The following RIC1 variants were observed in gnomAD, a reference collection of about 807,000 sequenced individuals.
RIC1 encodes RIC1 partner of RAB6A GEF complex.
Under a neutral mutation model 169.0 loss-of-function variants are expected in RIC1, and 88 were observed. That is an observed-to-expected ratio of 0.52 (90% CI 0.44 to 0.62). The LOEUF (loss-of-function observed/expected upper bound fraction) is 0.62. Ranked by LOEUF, RIC1 falls within the 20% of genes least tolerant of loss-of-function variation. The pLI is 0.00. For missense variants in RIC1, 1,877 were observed against 1,725.5 expected (o/e 1.09, Z -1.56); for synonymous variants, 790 against 601.5 (o/e 1.31, Z -4.59).
Position 5,686,340 on chromosome 9 carries a change from T to C in RIC1, c.253-3619T>C, listed in dbSNP as rs967206651. ...GACACATGCACACGTATGTTTATTG[T>C]GGCACTATTCACAATAGCAAAGACT... is the stretch of plus-strand genomic sequence containing the variant. On this transcript the variant is annotated intron_variant, in intron 2 of 25. Coordinates refer to ENST00000414202, the MANE Select transcript of RIC1 (RefSeq NM_020829.4). Among the ~76,000 whole-genome samples the C allele has an allele frequency of 9.5e-3, 1,439 of 152,136 alleles. 23 individuals carry two copies. The highest frequency in any genetic ancestry group is 0.033 in the African/African-American group (1,362 of 41,440).
At chr9:5,730,577 A>G (rs377146454) in intron 6 of RIC1, among the ~76,000 whole-genome samples, 42 of 152,062 alleles carry the variant, frequency 2.8e-4, no homozygotes, top group African/African-American at 1.0e-3. Context: ...AGAAAGAAGG[A>G]GGTGATTACC....
At chr9:5,728,568 TG>T (rs1587043732) in intron 6 of RIC1, among the ~76,000 whole-genome samples, 1 of 152,224 alleles carries the variant, frequency 6.6e-6, no homozygotes, top group African/African-American at 2.4e-5. Context: ...CCTAGTGAGA[TG>T]AACCTGGTAC....
chr9:5,773,194 T>C lies in RIC1; in HGVS notation c.3983+114T>C, dbSNP rs1276172194. On this transcript the variant is annotated intron_variant, in intron 25 of 25. Coordinates refer to ENST00000414202, the MANE Select transcript of RIC1 (RefSeq NM_020829.4). ...TGTTACATTTTATTTATTTATTATA[T>C]ATTATTTATTATATGTTCATTTTTA... 10 of 358,078 alleles carry C rather than the reference T, an allele frequency of 2.8e-5. 1 individual carries two copies. The highest frequency in any genetic ancestry group is 4.7e-5 in the Non-Finnish European group (10 of 213,284). 22.2% of individuals were successfully genotyped at this position (358,078 alleles called of 1,614,324 possible).
chr9:5,770,071 C>G lies in RIC1; in HGVS notation c.3425-16C>G. ...AATTTCTTCCTCCATTTTTTGTTTT[C>G]GGACCCACTCTGCAGTGGGAGAGCA... is the stretch of plus-strand genomic sequence containing the variant. On this transcript the variant is annotated splice_polypyrimidine_tract_variant and intron_variant, in intron 22 of 25. Coordinates refer to ENST00000414202, the MANE Select transcript of RIC1 (RefSeq NM_020829.4). The G allele has an allele frequency of 6.3e-7, 1 of 1,578,792 alleles. No homozygotes were observed. The highest frequency in any genetic ancestry group is 8.6e-7 in the Non-Finnish European group (1 of 1,164,578).
chr9:5,713,734 C>T lies in RIC1; in HGVS notation c.333-162C>T, dbSNP rs1264630336. On this transcript the variant is annotated intron_variant, in intron 3 of 25. Transcript: ENST00000414202. ...TTTCCAATTGATAAGTAGATAATGTCTGCTATAATAGAATTTAAGTCTGTT... is the reference window on the plus strand; with the variant it reads ...TTTCCAATTGATAAGTAGATAATGTTTGCTATAATAGAATTTAAGTCTGTT... 1.9e-5 allele frequency: 9 copies of T among 462,862 alleles called. No individual in the cohort carries two copies. In the Admixed American group the frequency reaches 3.4e-4, roughly 17 times the overall value. The allele number at this position is 462,862 out of a possible 1,614,324, so 28.7% of individuals were successfully genotyped here. A position where few individuals can be genotyped will look rare whatever the true frequency, so the allele number is the denominator to read the frequency against.
chr9:5,629,214 C>A lies in RIC1; in HGVS notation c.-96C>A. 8.2e-7 allele frequency: 1 copy of A among 1,223,522 alleles called. No homozygotes were observed. The highest frequency in any genetic ancestry group is 1.0e-6 in the Non-Finnish European group (1 of 966,482). 75.8% of individuals were successfully genotyped at this position (1,223,522 alleles called of 1,614,324 possible). ...CCCGAGCTGCCGCCGCCGCCGCCGCCGACTCGGCCGGTGGCGGTGTGGGAG... is the reference window on the plus strand; with the variant it reads ...CCCGAGCTGCCGCCGCCGCCGCCGCAGACTCGGCCGGTGGCGGTGTGGGAG... On this transcript the variant is annotated 5_prime_UTR_variant, in exon 1 of 26. Coordinates refer to ENST00000414202, the MANE Select transcript of RIC1 (RefSeq NM_020829.4).
intron 2 of RIC1, among the ~76,000 whole-genome samples, chr9:5,659,670 G>C (rs957883175): frequency 3.3e-5 from 5 of 152,156 alleles, no homozygotes; most frequent in African/African-American, 1.2e-4. Flanking sequence ...CAATTATTTA[G>C]ACCTTCAATT....
intron 6 of RIC1, among the ~76,000 whole-genome samples, chr9:5,721,061 T>C (rs1823558660): frequency 6.6e-6 from 1 of 152,244 alleles, no homozygotes; most frequent in South Asian, 2.1e-4. Flanking sequence ...CTTTAATTTT[T>C]AGTTCTTAGG....
rs377726801 is a variant in RIC1, at chr9:5,742,670, T to C, written c.902-199T>C. Among the ~76,000 whole-genome samples the C allele has an allele frequency of 2.5e-4, 38 of 152,274 alleles. No homozygotes were observed. The East Asian group carries it at 2.7e-3, about 11-fold the overall frequency. ...TTACAAATCACCTGTGCACTGAGTT[T>C]GTTCTGCTTAGATCAGGACAAAACT... On this transcript the variant is annotated intron_variant, in intron 8 of 25. Transcript: ENST00000414202.
chr9:5,732,629 T>C, intron 7 of RIC1, 150 bp downstream of exon 7: 1 of 488,446 alleles, frequency 2.0e-6, no homozygotes, highest in Non-Finnish European at 3.6e-6. Context: ...AATGTAAAAG[T>C]ATTTTATTAG....
At position 5,678,078 on chromosome 9, in the gene RIC1, A is replaced by G. The variant is rs528476749; in HGVS notation, c.253-11881A>G. 3.5e-4 allele frequency among the ~76,000 whole-genome samples: 52 copies of G among 149,072 alleles called. 1 individual carries two copies. In the East Asian group the frequency reaches 8.5e-3, roughly 24 times the overall value. The stretch of plus-strand genomic sequence containing the variant: ...TGTTCTCATTGTTCAATTCCCACCT[A>G]TGAGTGAGAACATGCGGTGTTTGTT... On this transcript the variant is annotated intron_variant, in intron 2 of 25. Coordinates refer to ENST00000414202, the MANE Select transcript of RIC1 (RefSeq NM_020829.4).
intron 3 of RIC1, 24 bp from the exon 4 acceptor site, chr9:5,713,872 T>G (rs1164145878): frequency 6.5e-7 from 1 of 1,544,584 alleles, no homozygotes; most frequent in Non-Finnish European, 8.9e-7. Context: ...GCATCTTTCT[T>G]TAACTCTATG....
Position 5,756,233 on chromosome 9 carries a change from T to C in RIC1, c.1714T>C (p.Ser572Pro). ...TCAGCTTAGAGTATACTTGCGAACA[T>C]CAAATCTGGACAATGCCTTTGCTCA... ...QEELRVYLRT[S>P]NLDNAFAHVT... The change falls in exon 16 of 26, where the codon TCA becomes CCA. Residue 572 changes from serine to proline, a missense_variant. Around this residue, in one of 3 missense-constraint regions of RIC1, gnomAD observed 1,104 missense variants for 992.0 expected, o/e 1.11. Transcript: ENST00000414202. 6.3e-7 allele frequency: 1 copy of C among 1,578,256 alleles called. No individual in the cohort carries two copies. Among genetic ancestry groups the C allele is most frequent in the Non-Finnish European group, 8.6e-7 (1 of 1,159,418 alleles).
At position 5,691,412 on chromosome 9, in the gene RIC1, G is replaced by A. The variant is rs184187803; in HGVS notation, c.332+1374G>A. On this transcript the variant is annotated intron_variant, in intron 3 of 25. Transcript: ENST00000414202. Reference sequence around the variant, plus strand: ...CTTGATGCTATAGCCACTTGTTTTTGTAACAAGTATAGTGCTAACTGAGGT... The same window carrying A: ...CTTGATGCTATAGCCACTTGTTTTTATAACAAGTATAGTGCTAACTGAGGT... Among the ~76,000 whole-genome samples the A allele has an allele frequency of 5.9e-5, 9 of 151,946 alleles. No individual in the cohort carries two copies. In the East Asian group the frequency reaches 1.7e-3, roughly 29 times the overall value.
intron 2 of RIC1, among the ~76,000 whole-genome samples, chr9:5,687,919 T>A (rs1554666715): frequency 6.6e-6 from 1 of 152,116 alleles, no homozygotes. Flanking sequence ...TTTGGGTTTT[T>A]TTGTGTGTGT....
intron 12 of RIC1, among the ~76,000 whole-genome samples, 155 bp from the exon 13 acceptor site, chr9:5,753,045 T>G (rs1405450895): frequency 1.3e-5 from 2 of 152,222 alleles, no homozygotes; most frequent in Non-Finnish European, 2.9e-5. Flanking sequence ...AAACATTGAT[T>G]CATATACAAA....
chr9:5,752,999 C>A (rs1170292544), intron 12 of RIC1, among the ~76,000 whole-genome samples: 1 of 152,118 alleles, frequency 6.6e-6, no homozygotes, highest in Non-Finnish European at 1.5e-5. Flanking sequence ...GAGAGGAAAG[C>A]CTGGTGCCTA....
chr9:5,732,936 G>GA (rs1447176358), intron 7 of RIC1, among the ~76,000 whole-genome samples: 12 of 151,806 alleles, frequency 7.9e-5, no homozygotes, highest in African/African-American at 2.4e-4. Context: ...AGAGATTTTA[G>GA]AAAAAAATTG....
Position 5,772,598 on chromosome 9 carries a change from G to A in RIC1, c.3651G>A (p.Leu1217=), listed in dbSNP as rs758435306. The A allele has an allele frequency of 5.6e-6, 9 of 1,613,428 alleles. No homozygotes were observed. The highest frequency in any genetic ancestry group is 1.3e-5 in the African/African-American group (1 of 74,902). Residue 1217 remains leucine (L), a synonymous_variant, in exon 24 of 26, where the codon TTG becomes TTA. Transcript: ENST00000414202. The stretch of plus-strand genomic sequence containing the variant: ...GCAGTATTGGTTCAGCCACAGACTT[G>A]ACTGAAAGTAGCTCCATGGTGGATG... The part of the protein sequence containing the change: ...DECSIGSATD[L]TESSSMVDGD...
Sources: allele counts gnomAD v4.1 joint callset (sites outside exome capture counted in the v4.1 genomes callset), GRCh38; gene constraint gnomAD v4.1.1; regional missense constraint gnomAD v4.1.1; transcripts MANE v1.5; gene names NCBI Gene and HGNC (gene_info 2026-07-23, HGNC 2026-07-21).